Variants in XYLT1 observed in about 807,000 individuals in gnomAD.
XYLT1 encodes the protein beta-D-xylosyltransferase 1.
A neutral mutation model predicts 91.3 loss-of-function variants in XYLT1; 36 were observed. The ratio of observed to expected loss-of-function variants is 0.39; its 90% CI spans 0.30 to 0.52. The LOEUF is 0.52. Among genes scored for constraint, XYLT1 ranks in the 20% least tolerant of loss-of-function variants. The pLI, the probability that XYLT1 is intolerant of heterozygous loss-of-function variation, is 0.68. For synonymous variants in XYLT1, 588 were observed against 532.0 expected (o/e 1.11, Z -1.45); for missense variants, 1,242 against 1,284.5 (o/e 0.97, Z 0.51).
At chr16:17,429,999 T>C (rs980374061) in intron 1 of XYLT1, among the ~76,000 whole-genome samples, 5 of 149,976 alleles carry the variant, frequency 3.3e-5, no homozygotes, top group Non-Finnish European at 7.4e-5. Flanking sequence ...TGCAGTGGTG[T>C]GATCTTGGCT....
In XYLT1 at chr16:17,450,711, G is replaced by A. The variant is rs376514375; in HGVS notation, c.363+19723C>T. Among the ~76,000 whole-genome samples the A allele has an allele frequency of 3.9e-5, 6 of 152,270 alleles. No individual in the cohort carries two copies. In the South Asian group the frequency reaches 1.2e-3, roughly 32 times the overall value. On this transcript the variant is annotated intron_variant, in intron 1 of 11. Coordinates refer to ENST00000261381, the MANE Select transcript of XYLT1 (RefSeq NM_022166.4). Reference sequence around the variant, plus strand: ...AGGTATCCTGACTCCTGAAAGTCGAGATCACTTTGTCTTGCGTCGTAAACA... The same window carrying A: ...AGGTATCCTGACTCCTGAAAGTCGAAATCACTTTGTCTTGCGTCGTAAACA...
intron 3 of XYLT1, among the ~76,000 whole-genome samples, chr16:17,241,362 C>A (rs2033343518): frequency 6.6e-6 from 1 of 152,204 alleles, no homozygotes; most frequent in South Asian, 2.1e-4. Flanking sequence ...CCAGGTCCCT[C>A]ACTGCAATGC....
intron 3 of XYLT1, among the ~76,000 whole-genome samples, chr16:17,235,273 T>C (rs1266347553): frequency 2.0e-5 from 3 of 151,210 alleles, no homozygotes; most frequent in East Asian, 3.9e-4. Flanking sequence ...GAAAGTGGCC[T>C]GGAACCACTA....
At chr16:17,448,103 C>T (rs958477187) in intron 1 of XYLT1, among the ~76,000 whole-genome samples, 3 of 152,252 alleles carry the variant, frequency 2.0e-5, no homozygotes, top group African/African-American at 7.2e-5. Context: ...TGTGGTGGCT[C>T]ACACCTGTAA....
rs995122499 is a variant in XYLT1, at chr16:17,184,303, G to T, written c.1289+13909C>A. 4.7e-4 allele frequency among the ~76,000 whole-genome samples: 71 copies of T among 151,112 alleles called. 4 individuals are homozygous for T. The highest frequency in any genetic ancestry group is 2.9e-5 in the Non-Finnish European group (2 of 67,970). On this transcript the variant is annotated intron_variant, in intron 5 of 11. Transcript: ENST00000261381. ...ATAGAGAGCCGCTGCCAAGAGGAAG[G>T]AGAATTGTGAGATCTGGAGAGGGAG...
At chr16:17,176,679 A>T (rs1473886811) in intron 5 of XYLT1, among the ~76,000 whole-genome samples, 1 of 152,230 alleles carries the variant, frequency 6.6e-6, no homozygotes, top group Non-Finnish European at 1.5e-5. Context: ...ATGCTGCAGA[A>T]AAGCTCAACA....
chr16:17,391,880 T>C (rs1363465594), intron 1 of XYLT1, among the ~76,000 whole-genome samples: 2 of 152,170 alleles, frequency 1.3e-5, no homozygotes, highest in African/African-American at 4.8e-5. Context: ...TTCACTTGGC[T>C]CTTATTCTCT....
chr16:17,105,036 T>TG lies in XYLT1; in HGVS notation c.*3658dup, dbSNP rs1305785167. On this transcript the variant is annotated 3_prime_UTR_variant, in exon 12 of 12. Transcript: ENST00000261381. The stretch of plus-strand genomic sequence containing the variant: ...GAATGTACACCTCTCCACCCCTAGA[T>TG]GTACCCCTCCACCTGAATGTACACC... 1.3e-5 allele frequency: 2 copies of TG among 149,980 alleles called. No individual in the cohort carries two copies. The allele number at this position is 149,980 out of a possible 1,614,324, so 9.3% of individuals were successfully genotyped here.
intron 1 of XYLT1, among the ~76,000 whole-genome samples, chr16:17,427,829 T>G (rs1412085660): frequency 6.7e-6 from 1 of 149,894 alleles, no homozygotes; most frequent in African/African-American, 2.4e-5. Context: ...ACAAAAAGGT[T>G]TTTTTTTTTT....
At chr16:17,245,437 G>A (rs1161494688) in intron 3 of XYLT1, among the ~76,000 whole-genome samples, 1 of 152,090 alleles carries the variant, frequency 6.6e-6, no homozygotes, top group Admixed American at 6.5e-5. Context: ...CTGATTTAGG[G>A]CAACATAAAC....
chr16:17,464,102 G>A (rs946387742), intron 1 of XYLT1, among the ~76,000 whole-genome samples: 1 of 150,876 alleles, frequency 6.6e-6, no homozygotes, highest in Non-Finnish European at 1.5e-5. Flanking sequence ...TGATTGGAAG[G>A]ATAAAAATCC....
At position 17,104,033 on chromosome 16, in the gene XYLT1, C is replaced by G. The variant is rs758841879; in HGVS notation, c.*4662G>C. 6.5e-6 allele frequency: 1 copy of G among 152,778 alleles called. No individual in the cohort carries two copies. Among genetic ancestry groups the G allele is most frequent in the Admixed American group, 6.5e-5 (1 of 15,278 alleles). 9.5% of individuals were successfully genotyped at this position (152,778 alleles called of 1,614,324 possible). On this transcript the variant is annotated 3_prime_UTR_variant, in exon 12 of 12. Coordinates refer to ENST00000261381, the MANE Select transcript of XYLT1 (RefSeq NM_022166.4). ...CAGATTTGGACAACTTTGTTCCCCC[C>G]TCCCAGGTAAACTTCTCAGCAGACA...
intron 2 of XYLT1, among the ~76,000 whole-genome samples, chr16:17,287,264 C>T (rs944227142): frequency 2.6e-5 from 4 of 151,786 alleles, no homozygotes; most frequent in African/African-American, 7.3e-5. Context: ...TTTTTTTAAT[C>T]CAGTTCAAGA....
chr16:17,305,519 G>C (rs1355435953), intron 2 of XYLT1, among the ~76,000 whole-genome samples: 2 of 150,614 alleles, frequency 1.3e-5, no homozygotes, highest in Admixed American at 6.6e-5. Flanking sequence ...GGGTTCAAGC[G>C]ATTCTTCTGC....
chr16:17,357,229 C>T (rs547576895), intron 2 of XYLT1, among the ~76,000 whole-genome samples: 1 of 147,534 alleles, frequency 6.8e-6, no homozygotes, highest in South Asian at 2.2e-4. Context: ...TTAGCACGTA[C>T]CCCGGACTTT....
intron 3 of XYLT1, among the ~76,000 whole-genome samples, chr16:17,205,884 G>C (rs9935837): frequency 0.027 from 4,051 of 152,266 alleles, 183 homozygotes; most frequent in African/African-American, 0.092. Flanking sequence ...TCCGGCTGCT[G>C]CAAGGGGCAC....
intron 1 of XYLT1, among the ~76,000 whole-genome samples, chr16:17,376,759 G>A (rs926917048): frequency 1.3e-5 from 2 of 149,088 alleles, no homozygotes; most frequent in African/African-American, 2.5e-5. Flanking sequence ...TCCGGGAGGC[G>A]GAGGTTGCAG....
chr16:17,115,980 TAA>T lies in XYLT1; in HGVS notation c.2557+1664_2557+1665del, dbSNP rs58219672. 3.3e-3 allele frequency among the ~76,000 whole-genome samples: 231 copies of T among 69,110 alleles called. 3 individuals are homozygous for T. Among genetic ancestry groups the T allele is most frequent in the Middle Eastern group, 8.5e-3 (1 of 118 alleles). 45.3% of individuals were successfully genotyped at this position (69,110 alleles called of 152,430 possible). A position where few individuals can be genotyped will look rare whatever the true frequency, so the allele number is the denominator to read the frequency against. On this transcript the variant is annotated intron_variant, in intron 11 of 11. Transcript: ENST00000261381. The stretch of plus-strand genomic sequence containing the variant: ...GCTTTATATATACTGACTTAGAAAG[TAA>T]AAAAAAAAAAAAAAAAGCAATCTTA...
intron 3 of XYLT1, among the ~76,000 whole-genome samples, chr16:17,205,699 A>G (rs760309536): frequency 3.9e-4 from 60 of 152,332 alleles, no homozygotes; most frequent in Non-Finnish European, 6.0e-4. Context: ...ACTGACTCCC[A>G]GGGCTGTGTG....
Sources: allele counts gnomAD v4.1 joint callset (sites outside exome capture counted in the v4.1 genomes callset), GRCh38; gene constraint gnomAD v4.1.1; transcripts MANE v1.5; gene names NCBI Gene and HGNC (gene_info 2026-07-23, HGNC 2026-07-21).